The following LRMDA variants were observed in gnomAD, a reference collection of about 807,000 sequenced individuals.
LRMDA encodes the protein leucine-rich melanocyte differentiation-associated protein.
LRMDA carries 18 observed loss-of-function variants against 29.8 expected under a neutral mutation model. The observed-to-expected ratio is 0.60, with a 90% CI of 0.42 to 0.90. The LOEUF is 0.90. Among genes scored for constraint, LRMDA ranks in the 40% least tolerant of loss-of-function variants. The pLI is 0.00. For synonymous variants in LRMDA, 125 were observed against 109.4 expected (o/e 1.14, Z -0.89); for missense variants, 273 against 273.9 (o/e 1.00, Z 0.02).
chr10:76,509,992 A>G (rs1037882409), intron 6 of LRMDA, among the ~76,000 whole-genome samples: 10 of 152,292 alleles, frequency 6.6e-5, no homozygotes, highest in South Asian at 2.1e-4. Context: ...GAAAGTAACT[A>G]AAGTAGCTGA....
intron 2 of LRMDA, among the ~76,000 whole-genome samples, chr10:75,620,833 T>A (rs1006151105): frequency 4.6e-5 from 7 of 152,258 alleles, no homozygotes; most frequent in African/African-American, 1.7e-4. Flanking sequence ...TTTGCTTTTT[T>A]AATTTTTAAC....
At chr10:76,098,472 G>T (rs572275357) in intron 5 of LRMDA, among the ~76,000 whole-genome samples, 4 of 152,140 alleles carry the variant, frequency 2.6e-5, no homozygotes, top group South Asian at 2.1e-4. Flanking sequence ...ACAATTTAGG[G>T]TCCTAAAGTT....
chr10:75,874,863 A>G (rs1349449211), intron 2 of LRMDA, among the ~76,000 whole-genome samples: 2 of 152,262 alleles, frequency 1.3e-5, no homozygotes. Context: ...GAATGGAAAG[A>G]AGCACAACAA....
intron 2 of LRMDA, among the ~76,000 whole-genome samples, chr10:76,006,003 G>A (rs993894723): frequency 1.3e-5 from 2 of 152,124 alleles, no homozygotes; most frequent in East Asian, 1.9e-4. Context: ...GTTCTAGGCT[G>A]TGGTGAGAAC....
At chr10:75,793,210 G>A (rs1022461310) in intron 2 of LRMDA, among the ~76,000 whole-genome samples, 4 of 152,158 alleles carry the variant, frequency 2.6e-5, no homozygotes, top group Non-Finnish European at 4.4e-5. Flanking sequence ...GGCTGCAGTA[G>A]CTGGCAGAGT....
intron 2 of LRMDA, among the ~76,000 whole-genome samples, chr10:75,822,988 T>C (rs962738465): frequency 2.0e-5 from 3 of 152,166 alleles, no homozygotes; most frequent in African/African-American, 7.2e-5. Context: ...GAGCTCAAGA[T>C]GGATTAAAGA....
chr10:75,452,809 A>G (rs967465125), intron 2 of LRMDA, among the ~76,000 whole-genome samples: 1 of 152,266 alleles, frequency 6.6e-6, no homozygotes, highest in Admixed American at 6.5e-5. Context: ...CAGTTTTCCA[A>G]CTGCATTAAA....
chr10:75,923,843 G>A (rs928663766), intron 2 of LRMDA, among the ~76,000 whole-genome samples: 1 of 152,030 alleles, frequency 6.6e-6, no homozygotes, highest in Non-Finnish European at 1.5e-5. Flanking sequence ...CCTTGCATTG[G>A]AGTAAGTCTC....
At chr10:75,513,336 A>G (rs980984732) in intron 2 of LRMDA, among the ~76,000 whole-genome samples, 2 of 151,746 alleles carry the variant, frequency 1.3e-5, no homozygotes, top group African/African-American at 4.8e-5. Context: ...TTGCTTTCTT[A>G]TTTGCACAGA....
At chr10:75,686,999 G>C (rs1842090874) in intron 2 of LRMDA, among the ~76,000 whole-genome samples, 1 of 152,148 alleles carries the variant, frequency 6.6e-6, no homozygotes, top group Admixed American at 6.6e-5. Context: ...ATAAGACAGA[G>C]AACTGAATAA....
intron 5 of LRMDA, among the ~76,000 whole-genome samples, chr10:76,193,802 T>A (rs2132224646): frequency 6.6e-6 from 1 of 151,764 alleles, no homozygotes; most frequent in Admixed American, 6.6e-5. Context: ...AAGCAGAAAA[T>A]TATAGTAAAA....
At chr10:76,032,935 CA>C (rs989030336) in intron 2 of LRMDA, among the ~76,000 whole-genome samples, 2 of 152,006 alleles carry the variant, frequency 1.3e-5, no homozygotes, top group Non-Finnish European at 2.9e-5. Flanking sequence ...AAGGTGATAG[CA>C]GACAAATTGT....
rs572881040 is a variant in LRMDA, at chr10:76,006,983, CGTGTGTGTGTGTGT to C, written c.132-28989_132-28976del. ...GCTAAAGTTTGCAGGATGGAGAAGG[CGTGTGTGTGTGTGT>C]GTGTGTGTGTGTGTGTGTGTGTGTG... On this transcript the variant is annotated intron_variant, in intron 2 of 6. Coordinates refer to ENST00000611255, the MANE Select transcript of LRMDA (RefSeq NM_001305581.2). 5.3e-3 allele frequency among the ~76,000 whole-genome samples: 618 copies of C among 116,204 alleles called. 5 individuals are homozygous for C. Among genetic ancestry groups the C allele is most frequent in the Non-Finnish European group, 6.7e-3 (395 of 58,556 alleles). The allele number at this position is 116,204 out of a possible 152,430, so 76.2% of individuals were successfully genotyped here.
chr10:75,912,178 C>G (rs755070428), intron 2 of LRMDA, among the ~76,000 whole-genome samples: 10 of 152,156 alleles, frequency 6.6e-5, no homozygotes, highest in African/African-American at 1.2e-4. Flanking sequence ...CATTTCCCCC[C>G]CTTCCCTTTC....
chr10:75,782,544 C>T (rs940794719), intron 2 of LRMDA, among the ~76,000 whole-genome samples: 9 of 152,200 alleles, frequency 5.9e-5, no homozygotes, highest in African/African-American at 1.7e-4. Context: ...TCCTGTGAAG[C>T]GGAAAGGAGG....
intron 5 of LRMDA, among the ~76,000 whole-genome samples, chr10:76,272,245 C>T (rs938731077): frequency 6.6e-6 from 1 of 152,190 alleles, no homozygotes; most frequent in African/African-American, 2.4e-5. Flanking sequence ...TACAATTTGT[C>T]TACTAATATA....
intron 2 of LRMDA, among the ~76,000 whole-genome samples, chr10:75,872,039 C>T (rs991108903): frequency 2.0e-5 from 3 of 152,216 alleles, no homozygotes; most frequent in African/African-American, 7.2e-5. Flanking sequence ...TGATCTTCAC[C>T]TCCACTAACT....
intron 1 of LRMDA, among the ~76,000 whole-genome samples, chr10:75,434,807 A>G (rs1844246393): frequency 6.6e-6 from 1 of 152,218 alleles, no homozygotes; most frequent in Non-Finnish European, 1.5e-5. Flanking sequence ...GGTAGGCATC[A>G]AAAAATAATC....
chr10:76,291,556 G>A (rs1275472441), intron 5 of LRMDA, among the ~76,000 whole-genome samples: 1 of 152,130 alleles, frequency 6.6e-6, no homozygotes, highest in Admixed American at 6.6e-5. Flanking sequence ...GCTCTTAAAA[G>A]GAGGAAAATT....
Sources: gnomAD v4.1 joint callset for allele counts (sites outside exome capture counted in the v4.1 genomes callset) on GRCh38, gnomAD v4.1.1 for gene constraint, MANE v1.5 for transcripts, NCBI Gene and HGNC (gene_info 2026-07-23, HGNC 2026-07-21) for gene names.